The following TFAP2A variants were observed in gnomAD, a reference collection of about 807,000 sequenced individuals.
TFAP2A encodes transcription factor AP-2-alpha.
A neutral mutation model predicts 41.5 loss-of-function variants in TFAP2A; 7 were observed. The ratio of observed to expected loss-of-function variants is 0.17; its 90% confidence interval spans 0.10 to 0.32. The LOEUF (loss-of-function observed/expected upper bound fraction) is 0.32. Ranked by LOEUF, TFAP2A falls within the 10% of genes least tolerant of loss-of-function variation. The pLI is 1.00. For missense variants in TFAP2A, 416 were observed against 563.3 expected (o/e 0.74, Z 2.65); for synonymous variants, 247 against 242.8 (o/e 1.02, Z -0.16).
rs767678528 is a variant in TFAP2A, at chr6:10,400,525, T to G, written c.954A>C (p.Ala318=). The stretch of plus-strand genomic sequence containing the variant: ...GTTGTCGGTTGAGAAATTCAGCTAC[T>G]GCTTTGGCAGGAAATTCGGTTTCGC... The part of the protein sequence containing the change: ...YVCETEFPAK[A]VAEFLNRQHS... Residue 318 remains alanine (A), a synonymous_variant, in exon 6 of 7, where the codon GCA becomes GCC. Coordinates refer to ENST00000379613, the MANE Select transcript of TFAP2A (RefSeq NM_001372066.1). The G allele has an allele frequency of 1.9e-6, 3 of 1,614,210 alleles. No individual in the cohort carries two copies. The highest frequency in any genetic ancestry group is 2.5e-6 in the Non-Finnish European group (3 of 1,180,042).
chr6:10,404,479 G>T, intron 4 of TFAP2A, 29 bp downstream of exon 4: 1 of 1,461,022 alleles, frequency 6.8e-7, no homozygotes, highest in Middle Eastern at 2.0e-4. Flanking sequence ...GCCGCGGGGC[G>T]GGGCGGGCGG....
chr6:10,402,638 G>A (rs1267309526), intron 4 of TFAP2A, 28 bp from the exon 5 acceptor site: 2 of 1,532,774 alleles, frequency 1.3e-6, no homozygotes, highest in African/African-American at 2.7e-5. Context: ...GCGAGAAAGG[G>A]ATTTAGAAAA....
In TFAP2A at chr6:10,404,600, G is replaced by C; in HGVS notation, c.678C>G (p.Thr226=). Residue 226 remains threonine, a synonymous_variant, in exon 4 of 7, where the codon ACC becomes ACG. Coordinates refer to ENST00000379613, the MANE Select transcript of TFAP2A (RefSeq NM_001372066.1). ...VPGRLSLLSS[T]SKYKVTVAEV... is the part of the protein sequence containing the mutation. Reference sequence around the variant, plus strand: ...CCGCCACCGTGACCTTGTACTTCGAGGTGGAGCTGAGGAGCGAGAGGCGAC... The same window carrying C: ...CCGCCACCGTGACCTTGTACTTCGACGTGGAGCTGAGGAGCGAGAGGCGAC... 6.2e-7 allele frequency: 1 copy of C among 1,614,192 alleles called. No homozygotes were observed. The highest frequency in any genetic ancestry group is 8.5e-7 in the Non-Finnish European group (1 of 1,180,014).
intron 3 of TFAP2A, chr6:10,406,531 A>C (rs1290383866): frequency 5.6e-6 from 3 of 533,792 alleles, no homozygotes; most frequent in Non-Finnish European, 1.0e-5. Context: ...CAGTTCAACT[A>C]CTGTACATTT....
Position 10,404,863 on chromosome 6 carries a change from C to T in TFAP2A, c.539-124G>A. The T allele has an allele frequency of 6.0e-6, 5 of 828,722 alleles. No individual in the cohort carries two copies. The South Asian group carries it at 8.3e-5, about 14-fold the overall frequency. The allele number at this position is 828,722 out of a possible 1,614,324, so 51.3% of individuals were successfully genotyped here. ...CTTTGGGCCACAGTCCCCGCTTTTC[C>T]GTCCGGCTCTGAAATTCTGTGGCTC... On this transcript the variant is annotated intron_variant, in intron 3 of 6. Transcript: ENST00000379613.
In TFAP2A at chr6:10,408,851, T is replaced by C. The variant is rs1184048223; in HGVS notation, c.486+1050A>G. Among the ~76,000 whole-genome samples, 3 of 152,352 alleles carry C rather than the reference T, an allele frequency of 2.0e-5. No individual in the cohort carries two copies. In the East Asian group the frequency reaches 5.8e-4, roughly 29 times the overall value. On this transcript the variant is annotated intron_variant, in intron 2 of 6. Transcript: ENST00000379613. Reference sequence around the variant, plus strand: ...TCTGACCATTTTCCTTACAATCTAATGTAGTAATCATTAAACTGTCAACGG... The same window carrying C: ...TCTGACCATTTTCCTTACAATCTAACGTAGTAATCATTAAACTGTCAACGG...
chr6:10,397,914 C>CTTTT lies in TFAP2A; in HGVS notation c.*499_*502dup. On this transcript the variant is annotated 3_prime_UTR_variant, in exon 7 of 7. Transcript: ENST00000379613. ...TAAAAATGTTGTCATCATCTTTTGG[C>CTTTT]TTTTTTTTTTTTTTTAAGTATGGCT... The CTTTT allele has an allele frequency of 1.1e-6, 1 of 902,268 alleles. No individual in the cohort carries two copies. The highest frequency in any genetic ancestry group is 1.3e-6 in the Non-Finnish European group (1 of 769,064). The allele number at this position is 902,268 out of a possible 1,614,324, so 55.9% of individuals were successfully genotyped here.
At chr6:10,409,733 T>C in intron 2 of TFAP2A, 168 bp downstream of exon 2, 1 of 786,264 alleles carries the variant, frequency 1.3e-6, no homozygotes. Context: ...GCAACTACTT[T>C]GTGTGGTTCC....
chr6:10,414,403 G>C (rs948170648), intron 1 of TFAP2A, among the ~76,000 whole-genome samples: 3 of 151,962 alleles, frequency 2.0e-5, no homozygotes, highest in African/African-American at 4.8e-5. Flanking sequence ...AGCGAAGTGT[G>C]GGGGGGCCGT....
intron 5 of TFAP2A, among the ~76,000 whole-genome samples, chr6:10,401,188 A>G (rs559780733): frequency 6.6e-6 from 1 of 152,352 alleles, no homozygotes; most frequent in African/African-American, 2.4e-5. Context: ...TAGAGCATCA[A>G]AGCCCTCTCC....
intron 5 of TFAP2A, chr6:10,402,282 G>A (rs145364523): frequency 1.5e-6 from 1 of 645,910 alleles, no homozygotes; most frequent in East Asian, 3.3e-5. Context: ...TAACTTTATG[G>A]TAGAGGAAAA....
Position 10,410,025 on chromosome 6 carries a change from G to T in TFAP2A, c.362C>A (p.Ser121Ter). Residue 121 changes from serine to a stop codon, truncating the protein, a stop_gained, in exon 2 of 7, where the codon TCG becomes TAG. Transcript: ENST00000379613. LOFTEE classifies it high-confidence loss of function. ...HTHRGLPHQLSGLDPRRDYRR... is the reference protein window; with the variant it reads ...HTHRGLPHQL ...GTAGTCCCTGCGAGGATCCAGGCCCGACAGCTGGTGAGGCAGCCCCCGGTG... is the reference window on the plus strand; with the variant it reads ...GTAGTCCCTGCGAGGATCCAGGCCCTACAGCTGGTGAGGCAGCCCCCGGTG... The T allele has an allele frequency of 6.2e-7, 1 of 1,612,652 alleles. No homozygotes were observed. The highest frequency in any genetic ancestry group is 8.5e-7 in the Non-Finnish European group (1 of 1,179,614).
intron 4 of TFAP2A, among the ~76,000 whole-genome samples, chr6:10,402,942 A>AT (rs779588055): frequency 5.3e-5 from 8 of 152,244 alleles, no homozygotes; most frequent in South Asian, 2.1e-4. Flanking sequence ...TGATTCCTGT[A>AT]TATTTTCTCT....
At chr6:10,409,474 CCTTTTACATTTT>C (rs1757854096) in intron 2 of TFAP2A, 1 of 202,606 alleles carries the variant, frequency 4.9e-6, no homozygotes, top group African/African-American at 2.4e-5. Context: ...TTTTACACTT[CCTTTTACATTTT>C]GAGGACATTT....
intron 1 of TFAP2A, chr6:10,412,645 T>C: frequency 3.2e-6 from 1 of 316,686 alleles, no homozygotes; most frequent in Middle Eastern, 7.6e-4. Flanking sequence ...AGGAGCTGCT[T>C]GGGACCGCGT....
At chr6:10,406,929 AG>A in intron 2 of TFAP2A, 85 bp from the exon 3 acceptor site, 1 of 1,072,608 alleles carries the variant, frequency 9.3e-7, no homozygotes, top group East Asian at 2.4e-5. Flanking sequence ...GAGGAGGGGA[AG>A]GTGTAGAATC....
upstream of TFAP2A, among the ~76,000 whole-genome samples, chr6:10,417,679 T>C (rs1046964581): frequency 6.6e-6 from 1 of 151,934 alleles, no homozygotes; most frequent in Non-Finnish European, 1.5e-5. Flanking sequence ...CCAGAACGAC[T>C]CTCTTTTCTC....
At chr6:10,414,449 G>C in intron 1 of TFAP2A, 1 of 271,534 alleles carries the variant, frequency 3.7e-6, no homozygotes, top group Admixed American at 4.9e-5. Context: ...TTAGAAGTGG[G>C]GGTGGGGGGA....
chr6:10,406,484 ATCAAACTGTT>A (rs1757717639), intron 3 of TFAP2A: 3 of 439,444 alleles, frequency 6.8e-6, no homozygotes, highest in Non-Finnish European at 1.2e-5. Flanking sequence ...GGATTAAACT[ATCAAACTGTT>A]TCAAAATTGA....
Sources: gnomAD v4.1 joint callset for allele counts (sites outside exome capture counted in the v4.1 genomes callset) on GRCh38, gnomAD v4.1.1 for gene constraint, MANE v1.5 for transcripts, NCBI Gene and HGNC (gene_info 2026-07-23, HGNC 2026-07-21) for gene names.